LDLRAD1: variants seen among roughly 807,000 people sequenced by gnomAD.
The protein encoded by LDLRAD1 is low density lipoprotein receptor class A domain containing 1.
A neutral mutation model predicts 24.8 loss-of-function variants in LDLRAD1; 17 were observed. The ratio of observed to expected loss-of-function variants is 0.69; its 90% confidence interval spans 0.47 to 1.03. LDLRAD1 has a LOEUF of 1.03. Ranked by LOEUF, LDLRAD1 falls within the 50% of genes least tolerant of loss-of-function variation. The pLI, the probability that LDLRAD1 is intolerant of heterozygous loss-of-function variation, is 0.00. For synonymous variants in LDLRAD1, 103 were observed against 108.2 expected, an observed-to-expected ratio of 0.95 and a Z score of 0.30; for missense variants, 277 against 271.0, an observed-to-expected ratio of 1.02 and a Z score of -0.16.
At chr1:54,014,095 G>T in intron 3 of LDLRAD1, 141 bp downstream of exon 3, 2 of 877,112 alleles carry the variant, frequency 2.3e-6, no homozygotes, top group Admixed American at 4.8e-5. Flanking sequence ...AGGTGTCTGT[G>T]TGTGTCTGTG....
In LDLRAD1 at chr1:54,014,247, G is replaced by T. The variant is rs1265256357; in HGVS notation, c.191C>A (p.Ser64Ter). 6.4e-7 allele frequency: 1 copy of T among 1,564,322 alleles called. No individual in the cohort carries two copies. Among genetic ancestry groups the T allele is most frequent in the Non-Finnish European group, 8.7e-7 (1 of 1,154,062 alleles). The change falls in exon 3 of 6, where the codon TCA becomes TAA. Residue 64 changes from serine (S) to a stop codon, truncating the protein, a stop_gained. Coordinates refer to ENST00000371360, the MANE Select transcript of LDLRAD1 (RefSeq NM_001010978.4). LOFTEE classifies it high-confidence loss of function. ...IALVTILGLP[S>*]CTPGAQACIT... ...TTGGCCGCCCTGACCTGGGGTGCAT[G>T]ATGGGAGTCCAAGAATGGTGACCAA...
In LDLRAD1 at chr1:54,017,412, T is replaced by A; in HGVS notation, c.37A>T (p.Thr13Ser). ...GGGTGGGCTTTGGATTCAGCAGCAGTGTAGCCATTCTCTCCCTGCCCAAGA... is the reference window on the plus strand; with the variant it reads ...GGGTGGGCTTTGGATTCAGCAGCAGAGTAGCCATTCTCTCCCTGCCCAAGA... ...KVFPQGENGYTAAESKAHPGG... is the reference protein window; with the variant it reads ...KVFPQGENGYSAAESKAHPGG... Residue 13 changes from threonine (T) to serine (S), a missense_variant, in exon 2 of 6, where the codon ACT becomes TCT. Thr to Ser is a moderately conservative substitution (Grantham distance 58). Transcript: ENST00000371360. 1 of 1,603,526 alleles carries A rather than the reference T, an allele frequency of 6.2e-7. No homozygotes were observed. The highest frequency in any genetic ancestry group is 8.5e-7 in the Non-Finnish European group (1 of 1,174,568).
intron 4 of LDLRAD1, 59 bp downstream of exon 4, chr1:54,012,084 C>T: frequency 1.3e-6 from 2 of 1,598,618 alleles, no homozygotes; most frequent in East Asian, 2.2e-5. Flanking sequence ...AGTATGGATG[C>T]CAAGAGCATC....
At chr1:54,014,157 G>A (rs1320260447) in intron 3 of LDLRAD1, 79 bp downstream of exon 3, 10 of 1,509,276 alleles carry the variant, frequency 6.6e-6, no homozygotes, top group Non-Finnish European at 8.0e-6. Flanking sequence ...AGCCAGGCAG[G>A]TCGGGGCTCC....
At chr1:54,009,336 G>C (rs1214669121) in intron 5 of LDLRAD1, among the ~76,000 whole-genome samples, 1 of 152,088 alleles carries the variant, frequency 6.6e-6, no homozygotes, top group African/African-American at 2.4e-5. Flanking sequence ...CACCCTGTCT[G>C]AAACTGTTTC....
chr1:54,014,099 G>C, intron 3 of LDLRAD1, 137 bp downstream of exon 3: 1 of 921,734 alleles, frequency 1.1e-6, no homozygotes, highest in South Asian at 1.7e-5. Flanking sequence ...GTCTGTGTGT[G>C]TCTGTGCATG....
At chr1:54,015,907 G>A (rs1352795539) in intron 2 of LDLRAD1, among the ~76,000 whole-genome samples, 1 of 152,070 alleles carries the variant, frequency 6.6e-6, no homozygotes, top group Non-Finnish European at 1.5e-5. Flanking sequence ...CGCCCACCTT[G>A]GCCTCCCGAA....
Position 54,008,895 on chromosome 1 carries a change from TGCCC to T in LDLRAD1, c.*83_*86del. The T allele has an allele frequency of 1.0e-5, 11 of 1,094,586 alleles. No individual in the cohort carries two copies. Among genetic ancestry groups the T allele is most frequent in the East Asian group, 8.7e-5 (3 of 34,430 alleles). The allele number at this position is 1,094,586 out of a possible 1,614,324, so 67.8% of individuals were successfully genotyped here. On this transcript the variant is annotated 3_prime_UTR_variant, in exon 6 of 6. Coordinates refer to ENST00000371360, the MANE Select transcript of LDLRAD1 (RefSeq NM_001010978.4). ...AGATCCCATTTCAAAGGCTGCTTCC[TGCCC>T]TTGTGCGCTAGGATTTGATTTTCAT...
chr1:54,008,882 A>G lies in LDLRAD1; in HGVS notation c.*100T>C, dbSNP rs1176884182. 1 of 981,904 alleles carries G rather than the reference A, an allele frequency of 1.0e-6. No homozygotes were observed. The highest frequency in any genetic ancestry group is 2.9e-5 in the East Asian group (1 of 33,942). 60.8% of individuals were successfully genotyped at this position (981,904 alleles called of 1,614,324 possible). On this transcript the variant is annotated 3_prime_UTR_variant, in exon 6 of 6. Coordinates refer to ENST00000371360, the MANE Select transcript of LDLRAD1 (RefSeq NM_001010978.4). ...AGAAATGATGTGTAGATCCCATTTC[A>G]AAGGCTGCTTCCTGCCCTTGTGCGC...
At chr1:54,009,918 C>A (rs1655975936) in intron 5 of LDLRAD1, among the ~76,000 whole-genome samples, 2 of 152,144 alleles carry the variant, frequency 1.3e-5, no homozygotes, top group South Asian at 4.1e-4. Context: ...AAATTGGGGC[C>A]AGTGATTCCT....
At chr1:54,017,600 A>C (rs1007272246) in intron 1 of LDLRAD1, among the ~76,000 whole-genome samples, 173 bp from the exon 2 acceptor site, 2 of 152,096 alleles carry the variant, frequency 1.3e-5, no homozygotes, top group African/African-American at 4.8e-5. Context: ...TCATATGTCC[A>C]CACCTTTGCC....
chr1:54,014,377 G>C lies in LDLRAD1; in HGVS notation c.74-13C>G. On this transcript the variant is annotated splice_polypyrimidine_tract_variant and intron_variant, in intron 2 of 5. Transcript: ENST00000371360. ...TGGCCGCCGCCTGCTGTGTGGGGGG[G>C]AAACAAGCCCGGGGGTGGTGGTGAT... 1 of 1,332,364 alleles carries C rather than the reference G, an allele frequency of 7.5e-7. No individual in the cohort carries two copies. The highest frequency in any genetic ancestry group is 1.0e-6 in the Non-Finnish European group (1 of 1,004,222). The allele number at this position is 1,332,364 out of a possible 1,614,324, so 82.5% of individuals were successfully genotyped here. A position where few individuals can be genotyped will look rare whatever the true frequency, so the allele number is the denominator to read the frequency against.
chr1:54,015,111 T>C (rs1656247761), intron 2 of LDLRAD1, among the ~76,000 whole-genome samples: 1 of 152,204 alleles, frequency 6.6e-6, no homozygotes, highest in South Asian at 2.1e-4. Context: ...TAATTATTAT[T>C]TTTTATATTT....
intron 2 of LDLRAD1, among the ~76,000 whole-genome samples, chr1:54,014,865 G>C (rs188840920): frequency 3.7e-4 from 57 of 152,246 alleles, no homozygotes; most frequent in African/African-American, 1.3e-3. Context: ...CCCTTTCCAC[G>C]ATCCCAATTG....
chr1:54,014,422 C>T (rs948821965), intron 2 of LDLRAD1, 58 bp from the exon 3 acceptor site: 3 of 1,484,368 alleles, frequency 2.0e-6, no homozygotes, highest in Non-Finnish European at 2.7e-6. Context: ...GCGCTAGGAA[C>T]AGGGAGCTCC....
rs1009805928 is a variant in LDLRAD1, at chr1:54,017,680, C to T, written c.22-253G>A. On this transcript the variant is annotated intron_variant, in intron 1 of 5. Coordinates refer to ENST00000371360, the MANE Select transcript of LDLRAD1 (RefSeq NM_001010978.4). ...CCTGATAAATATTCATCCTTCAAAC[C>T]GGCTTGGGCAGCGACTCCTGGGTGA... Among the ~76,000 whole-genome samples the T allele has an allele frequency of 3.9e-5, 6 of 152,244 alleles. No individual in the cohort carries two copies. In the East Asian group the frequency reaches 9.7e-4, roughly 25 times the overall value.
rs977199793 is a variant in LDLRAD1 at position 54,008,739 on chromosome 1, G to A, written c.*243C>T. ...TAATTTTTGTATTTTTGGTAGAGAC[G>A]GGGTTCCACCACATCATCTTTGTTA... On this transcript the variant is annotated 3_prime_UTR_variant, in exon 6 of 6. Transcript: ENST00000371360. The A allele has an allele frequency of 1.2e-5, 5 of 430,016 alleles. No individual in the cohort carries two copies. In the Admixed American group the frequency reaches 1.2e-4, roughly 10 times the overall value. The allele number at this position is 430,016 out of a possible 1,614,324, so 26.6% of individuals were successfully genotyped here. A position where few individuals can be genotyped will look rare whatever the true frequency, so the allele number is the denominator to read the frequency against.
chr1:54,010,234 C>G (rs1182301189), intron 5 of LDLRAD1, 48 bp downstream of exon 5: 1 of 1,607,838 alleles, frequency 6.2e-7, no homozygotes, highest in South Asian at 1.1e-5. Context: ...TGCCCTCTGG[C>G]TGCTGCCTGG....
Position 54,011,457 on chromosome 1 carries a change from G to A in LDLRAD1, c.340+686C>T, listed in dbSNP as rs533333476. Among the ~76,000 whole-genome samples the A allele has an allele frequency of 8.5e-5, 13 of 152,204 alleles. No homozygotes were observed. In the South Asian group the frequency reaches 2.7e-3, roughly 32 times the overall value. On this transcript the variant is annotated intron_variant, in intron 4 of 5. Coordinates refer to ENST00000371360, the MANE Select transcript of LDLRAD1 (RefSeq NM_001010978.4). ...GGGATTGGGGATGAGCTGGGGCAAG[G>A]ACTAGATGCTTTTGAGATTGCTTCT...
Sources: allele counts gnomAD v4.1 joint callset (sites outside exome capture counted in the v4.1 genomes callset), GRCh38; gene constraint gnomAD v4.1.1; transcripts MANE v1.5; gene names NCBI Gene and HGNC (gene_info 2026-07-23, HGNC 2026-07-21).